Variants in TRIP4 observed in about 807,000 individuals in gnomAD.
TRIP4 encodes the protein thyroid hormone receptor interactor 4.
A neutral mutation model predicts 81.8 loss-of-function variants in TRIP4; 54 were observed. The observed-to-expected ratio is 0.66, with a 90% CI of 0.53 to 0.83. TRIP4 has a LOEUF of 0.83. Ranked by LOEUF, TRIP4 falls within the 40% of genes least tolerant of loss-of-function variation. TRIP4 has a pLI of 0.00. For missense variants in TRIP4, 662 were observed against 683.6 expected, an observed-to-expected ratio of 0.97 and a Z score of 0.35; for synonymous variants, 270 against 242.8, an observed-to-expected ratio of 1.11 and a Z score of -1.04.
At chr15:64,410,815 A>G (rs1457458364) in intron 7 of TRIP4, among the ~76,000 whole-genome samples, 3 of 152,214 alleles carry the variant, frequency 2.0e-5, no homozygotes, top group African/African-American at 7.2e-5. Context: ...TATCCATACT[A>G]TATAAGTAAG....
At position 64,431,849 on chromosome 15, in the gene TRIP4, T is replaced by TATATATATATATATATATATATATATATA. The variant is rs1566981702; in HGVS notation, c.1575+6218_1575+6219insATATATATATATATATATATATATATATA. Among the ~76,000 whole-genome samples the TATATATATATATATATATATATATATATA allele has an allele frequency of 7.9e-4, 64 of 81,364 alleles. 1 individual carries two copies. The highest frequency in any genetic ancestry group is 2.5e-3 in the African/African-American group (62 of 24,700). The allele number at this position is 81,364 out of a possible 152,430, so 53.4% of individuals were successfully genotyped here. ...ATTTATATTATATATATATATATAT[T>TATATATATATATATATATATATATATATA]TTTTTTATCCAAAGAGCATTGTGTT... is the stretch of plus-strand genomic sequence containing the variant. On this transcript the variant is annotated intron_variant, in intron 11 of 12. Transcript: ENST00000261884.
chr15:64,410,172 C>T (rs1891730407), intron 7 of TRIP4, among the ~76,000 whole-genome samples: 1 of 151,784 alleles, frequency 6.6e-6, no homozygotes, highest in African/African-American at 2.4e-5. Flanking sequence ...ATTACAGGTG[C>T]CCACCACCAT....
At chr15:64,404,507 GAC>G (rs1266194030) in intron 5 of TRIP4, among the ~76,000 whole-genome samples, 2 of 152,026 alleles carry the variant, frequency 1.3e-5, no homozygotes, top group Middle Eastern at 3.4e-3. Context: ...TTATAGTAGA[GAC>G]AGGGTTTTGC....
intron 6 of TRIP4, 52 bp from the exon 7 acceptor site, chr15:64,409,561 G>A: frequency 6.5e-7 from 1 of 1,530,400 alleles, no homozygotes; most frequent in Non-Finnish European, 9.0e-7. Flanking sequence ...CCAATAATCG[G>A]TCCTTATTTG....
At chr15:64,399,409 AACT>A (rs1891433655) in intron 4 of TRIP4, among the ~76,000 whole-genome samples, 5 of 152,118 alleles carry the variant, frequency 3.3e-5, no homozygotes, top group Admixed American at 3.3e-4. Flanking sequence ...TGCTGGCAGG[AACT>A]CTGTGTGTCA....
intron 5 of TRIP4, among the ~76,000 whole-genome samples, chr15:64,402,225 A>G (rs1247889172): frequency 1.4e-5 from 2 of 142,204 alleles, no homozygotes; most frequent in Admixed American, 7.1e-5. Flanking sequence ...GGTTAAGGAC[A>G]TTTTTTTTTT....
intron 3 of TRIP4, 129 bp from the exon 4 acceptor site, chr15:64,397,477 T>G: frequency 1.1e-6 from 1 of 871,148 alleles, no homozygotes; most frequent in South Asian, 1.9e-5. Context: ...ATTTCTTCCT[T>G]TCACTGCCTT....
intron 11 of TRIP4, among the ~76,000 whole-genome samples, chr15:64,441,393 G>A (rs553614114): frequency 6.6e-6 from 1 of 152,152 alleles, no homozygotes; most frequent in African/African-American, 2.4e-5. Flanking sequence ...AAAAATCCCC[G>A]TCCTCATGGA....
intron 9 of TRIP4, among the ~76,000 whole-genome samples, chr15:64,420,519 C>CT (rs1278089830): frequency 7.9e-6 from 1 of 126,316 alleles, no homozygotes. Context: ...ATGTCTTTTG[C>CT]TTCTTATTTC....
intron 11 of TRIP4, among the ~76,000 whole-genome samples, chr15:64,425,939 C>T (rs910386633): frequency 3.9e-5 from 6 of 152,156 alleles, no homozygotes; most frequent in Admixed American, 1.3e-4. Flanking sequence ...AAAAATTAGC[C>T]GGGTGTGGTG....
At chr15:64,389,538 A>C (rs1337546058) in intron 1 of TRIP4, among the ~76,000 whole-genome samples, 2 of 152,168 alleles carry the variant, frequency 1.3e-5, no homozygotes, top group Non-Finnish European at 2.9e-5. Context: ...AAAACAAAAC[A>C]GCGAAATCTT....
At chr15:64,417,676 C>G (rs147975383) in intron 8 of TRIP4, among the ~76,000 whole-genome samples, 239 of 152,160 alleles carry the variant, frequency 1.6e-3, no homozygotes, top group African/African-American at 5.6e-3. Context: ...TTTAGTAGTC[C>G]TCCACCCTCT....
At chr15:64,421,016 G>A (rs1408851614) in intron 9 of TRIP4, among the ~76,000 whole-genome samples, 1 of 151,580 alleles carries the variant, frequency 6.6e-6, no homozygotes, top group Non-Finnish European at 1.5e-5. Context: ...GGTCCCATAA[G>A]ATTAGAATAC....
chr15:64,431,877 C>CTTTTTTTTTTT (rs1199638489), intron 11 of TRIP4, among the ~76,000 whole-genome samples: 44 of 52,520 alleles, frequency 8.4e-4, no homozygotes, highest in South Asian at 1.8e-3. Flanking sequence ...ATTGTGTTTT[C>CTTTTTTTTTTT]TTTTTTTTTT....
chr15:64,452,154 GT>G (rs1418383639), intron 12 of TRIP4, among the ~76,000 whole-genome samples: 5 of 151,660 alleles, frequency 3.3e-5, no homozygotes, highest in Admixed American at 6.6e-5. Flanking sequence ...GGGGGGTTTG[GT>G]TTTTTTGTTA....
intron 8 of TRIP4, 142 bp downstream of exon 8, chr15:64,414,353 C>A: frequency 1.8e-6 from 2 of 1,117,946 alleles, no homozygotes; most frequent in Non-Finnish European, 2.5e-6. Context: ...AACACACCTG[C>A]CAACCTTATT....
chr15:64,443,028 G>A (rs1020104903), intron 11 of TRIP4, among the ~76,000 whole-genome samples: 1 of 151,776 alleles, frequency 6.6e-6, no homozygotes, highest in African/African-American at 2.4e-5. Flanking sequence ...CGAATTGACC[G>A]TTTGATTTAG....
chr15:64,449,280 GTTTGTT>G (rs1892700673), intron 12 of TRIP4, among the ~76,000 whole-genome samples: 1 of 147,980 alleles, frequency 6.8e-6, no homozygotes, highest in African/African-American at 2.5e-5. Context: ...TGTTTTTTTT[GTTTGTT>G]TTTGTTTTTT....
intron 11 of TRIP4, among the ~76,000 whole-genome samples, chr15:64,440,387 AG>A (rs1432933086): frequency 6.6e-6 from 1 of 151,336 alleles, no homozygotes; most frequent in Non-Finnish European, 1.5e-5. Flanking sequence ...ATACAATGTA[AG>A]TATATAGTGG....
Sources: gnomAD v4.1 joint callset for allele counts (sites outside exome capture counted in the v4.1 genomes callset) on GRCh38, gnomAD v4.1.1 for gene constraint, MANE v1.5 for transcripts, NCBI Gene and HGNC (gene_info 2026-07-23, HGNC 2026-07-21) for gene names.